CPNE4: variants seen among roughly 807,000 people sequenced by gnomAD.
The protein encoded by CPNE4 is copine 4.
CPNE4 carries 25 observed loss-of-function variants against 67.9 expected under a neutral mutation model. That is an observed-to-expected ratio of 0.37 (90% CI 0.27 to 0.51). The LOEUF is 0.51. CPNE4 is among the 20% of genes least tolerant of loss of function. The pLI, the probability that CPNE4 is intolerant of heterozygous loss-of-function variation, is 0.93. For synonymous variants in CPNE4, 242 were observed against 244.9 expected, an observed-to-expected ratio of 0.99 and a Z score of 0.11; for missense variants, 464 against 690.8, an observed-to-expected ratio of 0.67 and a Z score of 3.68.
chr3:131,905,978 C>G (rs1266754874), intron 1 of CPNE4, among the ~76,000 whole-genome samples: 3 of 152,128 alleles, frequency 2.0e-5, no homozygotes, highest in Non-Finnish European at 4.4e-5. Flanking sequence ...AGCTCCAAGA[C>G]AGAGGCCCAG....
intron 2 of CPNE4, among the ~76,000 whole-genome samples, chr3:131,788,120 A>C (rs1298754921): frequency 6.6e-6 from 1 of 152,126 alleles, no homozygotes; most frequent in East Asian, 1.9e-4. Context: ...GCAAATGAGG[A>C]GCCTACAAAA....
chr3:131,910,907 A>G (rs997216617), intron 1 of CPNE4, among the ~76,000 whole-genome samples: 24 of 152,262 alleles, frequency 1.6e-4, no homozygotes, highest in Admixed American at 3.3e-4. Flanking sequence ...TCTTGAATCA[A>G]TAGAGATGAT....
At chr3:132,007,158 T>C (rs2107672459) in intron 1 of CPNE4, among the ~76,000 whole-genome samples, 1 of 152,314 alleles carries the variant, frequency 6.6e-6, no homozygotes, top group East Asian at 1.9e-4. Context: ...GAGTATGATG[T>C]TGTTCTAGTA....
chr3:131,538,774 G>C (rs1416484435), intron 15 of CPNE4: 1 of 152,154 alleles, frequency 6.6e-6, no homozygotes. Context: ...CATGAGAGTG[G>C]GTTGTTATAA....
intron 2 of CPNE4, among the ~76,000 whole-genome samples, chr3:131,742,689 C>T (rs1583120492): frequency 6.6e-6 from 1 of 151,586 alleles, no homozygotes; most frequent in African/African-American, 2.4e-5. Context: ...CAAAAGCCAA[C>T]AAAAATAAAA....
chr3:131,617,045 C>T (rs1559990331), intron 7 of CPNE4, among the ~76,000 whole-genome samples: 1 of 152,158 alleles, frequency 6.6e-6, no homozygotes, highest in Admixed American at 6.5e-5. Flanking sequence ...TTTATAGGAC[C>T]TGAGCTCTGT....
intron 7 of CPNE4, among the ~76,000 whole-genome samples, chr3:131,600,082 G>C (rs1939119039): frequency 6.6e-6 from 1 of 152,120 alleles, no homozygotes; most frequent in South Asian, 2.1e-4. Flanking sequence ...AAGGATGGTA[G>C]AAGTACCAGC....
intron 1 of CPNE4, among the ~76,000 whole-genome samples, chr3:131,963,272 A>G (rs558690843): frequency 1.3e-3 from 193 of 151,998 alleles, no homozygotes; most frequent in Middle Eastern, 0.01. Context: ...TCACTTGCCT[A>G]CACCACCAGG....
intron 7 of CPNE4, among the ~76,000 whole-genome samples, chr3:131,656,088 C>T (rs1057477585): frequency 1.3e-5 from 2 of 150,994 alleles, no homozygotes; most frequent in African/African-American, 4.9e-5. Context: ...GCATTCCAGC[C>T]CCTCATTCCT....
intron 1 of CPNE4, among the ~76,000 whole-genome samples, chr3:131,908,351 C>T (rs1221038117): frequency 6.6e-6 from 1 of 152,104 alleles, no homozygotes; most frequent in Non-Finnish European, 1.5e-5. Context: ...TACAACAAAG[C>T]AAAGGGAGAA....
chr3:131,873,358 G>A (rs968428411), intron 2 of CPNE4, among the ~76,000 whole-genome samples: 2 of 152,052 alleles, frequency 1.3e-5, no homozygotes, highest in African/African-American at 4.8e-5. Flanking sequence ...TGATATGGTG[G>A]GGATGGAAAT....
chr3:131,675,842 G>T (rs1441217400), intron 6 of CPNE4, among the ~76,000 whole-genome samples: 1 of 151,546 alleles, frequency 6.6e-6, no homozygotes, highest in South Asian at 2.1e-4. Flanking sequence ...TGCCATTAGG[G>T]TTTTTGTTTT....
At chr3:131,641,764 C>G (rs573688853) in intron 7 of CPNE4, among the ~76,000 whole-genome samples, 1 of 152,118 alleles carries the variant, frequency 6.6e-6, no homozygotes, top group African/African-American at 2.4e-5. Context: ...AGCCCCAATA[C>G]CCATCAATCA....
chr3:131,950,082 C>T (rs553729698), intron 1 of CPNE4, among the ~76,000 whole-genome samples: 10 of 152,202 alleles, frequency 6.6e-5, no homozygotes, highest in Admixed American at 3.9e-4. Flanking sequence ...ACTTTGAACA[C>T]TGAATAAGCT....
intron 2 of CPNE4, among the ~76,000 whole-genome samples, chr3:131,732,613 C>A (rs1560201581): frequency 6.6e-6 from 1 of 152,202 alleles, no homozygotes; most frequent in Non-Finnish European, 1.5e-5. Context: ...GTCTGCCCAC[C>A]AAGTCCCTCT....
chr3:131,856,639 CT>C (rs1412335301), intron 2 of CPNE4, among the ~76,000 whole-genome samples: 1 of 151,936 alleles, frequency 6.6e-6, no homozygotes, highest in African/African-American at 2.4e-5. Flanking sequence ...GTAAAACCTA[CT>C]GAGAAATGAT....
intron 3 of CPNE4, among the ~76,000 whole-genome samples, chr3:131,707,653 G>C (rs2107715171): frequency 6.6e-6 from 1 of 152,230 alleles, no homozygotes; most frequent in Non-Finnish European, 1.5e-5. Context: ...AAACTCTCCT[G>C]TCTCTGATAA....
chr3:131,978,100 AATATATATAAAATATATATAAAT>A (rs2072729738), intron 1 of CPNE4, among the ~76,000 whole-genome samples: 1 of 56,336 alleles, frequency 1.8e-5, no homozygotes, highest in Non-Finnish European at 2.9e-5. Context: ...TATATATATA[AATATATATAAAATATATATAAAT>A]ATATATATTT....
chr3:131,670,613 G>T (rs146101015), intron 6 of CPNE4, among the ~76,000 whole-genome samples: 3 of 152,286 alleles, frequency 2.0e-5, no homozygotes, highest in African/African-American at 7.2e-5. Flanking sequence ...GCATCACCTG[G>T]AAACTTCTTA....
Sources: gnomAD v4.1 joint callset for allele counts (sites outside exome capture counted in the v4.1 genomes callset) on GRCh38, gnomAD v4.1.1 for gene constraint, MANE v1.5 for transcripts, NCBI Gene and HGNC (gene_info 2026-07-23, HGNC 2026-07-21) for gene names.